PER2: variants seen among roughly 807,000 people sequenced by gnomAD.
The protein encoded by PER2 is period circadian protein homolog 2.
PER2 carries 66 observed loss-of-function variants against 121.0 expected under a neutral mutation model. The ratio of observed to expected loss-of-function variants is 0.55; its 90% CI spans 0.45 to 0.67. The LOEUF is 0.67. Ranked by LOEUF, PER2 falls within the 30% of genes least tolerant of loss-of-function variation. The pLI is 0.00. For missense variants in PER2, 1,521 were observed against 1,635.0 expected, an observed-to-expected ratio of 0.93 and a Z score of 1.20; for synonymous variants, 684 against 659.9, an observed-to-expected ratio of 1.04 and a Z score of -0.56.
intron 9 of PER2, among the ~76,000 whole-genome samples, chr2:238,264,237 G>T (rs979664701): frequency 4.6e-5 from 7 of 152,244 alleles, no homozygotes; most frequent in Non-Finnish European, 7.3e-5. Flanking sequence ...AGGAAGAAAA[G>T]TCTCCAGAGG....
chr2:238,260,090 A>T (rs1190528048), intron 13 of PER2, 37 bp from the exon 14 acceptor site: 8 of 885,918 alleles, frequency 9.0e-6, no homozygotes, highest in African/African-American at 1.7e-5. Flanking sequence ...TATTCATTCT[A>T]GGAGACCTCC....
At chr2:238,261,699 GGGA>G in intron 12 of PER2, 27 bp downstream of exon 12, 2 of 1,430,920 alleles carry the variant, frequency 1.4e-6, no homozygotes, top group South Asian at 1.2e-5. Context: ...GCTGCTACCT[GGGA>G]GGAGGACATG....
In PER2 at chr2:238,258,397, G is replaced by A; in HGVS notation, c.1779C>T (p.Tyr593=). ...QISCLDSVIR[Y]LESCNEAATL... is the part of the protein sequence containing the mutation. ...TGGCAGCCTCATTGCAGCTCTCCAA[G>A]TACCTGTGTGAAAGGCATGAACCAC... is the stretch of plus-strand genomic sequence containing the variant. Residue 593 remains tyrosine, a synonymous_variant, in exon 16 of 23, where the codon TAC becomes TAT. Transcript: ENST00000254657. The A allele has an allele frequency of 6.2e-7, 1 of 1,614,162 alleles. No individual in the cohort carries two copies.
intron 1 of PER2, among the ~76,000 whole-genome samples, chr2:238,285,544 A>G (rs555855175): frequency 2.9e-4 from 44 of 152,326 alleles, no homozygotes; most frequent in Middle Eastern, 3.4e-3. Flanking sequence ...ACTGTACTCA[A>G]TACCTGCAAA....
At chr2:238,287,906 G>A (rs1237306504) in intron 1 of PER2, among the ~76,000 whole-genome samples, 3 of 152,186 alleles carry the variant, frequency 2.0e-5, no homozygotes, top group South Asian at 2.1e-4. Context: ...AGGTAGGCGC[G>A]ACTGCTGCAC....
Position 238,253,637 on chromosome 2 carries a change from TTC to T in PER2, c.2384_2385del (p.Arg795LysfsTer14). ...DSPWKKTGKN[R>X]KLKSKRVKPR... ...GGTTTGACCCGCTTGGACTTCAATT[TTC>T]TGTTCTTTCCTGTTTTTTTCCAAGG... is the stretch of plus-strand genomic sequence containing the variant. On this transcript the variant is annotated frameshift_variant, in exon 19 of 23. Coordinates refer to ENST00000254657, the MANE Select transcript of PER2 (RefSeq NM_022817.3). LOFTEE classifies it high-confidence loss of function. The surrounding 1 kb of genome is among the most constrained non-coding windows in gnomAD (Gnocchi z 5.6). 1 of 1,609,488 alleles carries T rather than the reference TTC, an allele frequency of 6.2e-7. No individual in the cohort carries two copies. The highest frequency in any genetic ancestry group is 1.1e-5 in the South Asian group (1 of 90,444).
intron 17 of PER2, among the ~76,000 whole-genome samples, chr2:238,256,258 C>T (rs907021723): frequency 3.3e-5 from 5 of 152,118 alleles, no homozygotes; most frequent in African/African-American, 7.2e-5. Flanking sequence ...TGAGTCTTTC[C>T]GGGTTTGGGA....
At chr2:238,261,698 T>C (rs1388770276) in intron 12 of PER2, 31 bp downstream of exon 12, 3 of 1,430,922 alleles carry the variant, frequency 2.1e-6, no homozygotes, top group Non-Finnish European at 1.9e-6. Context: ...GGCTGCTACC[T>C]GGGAGGAGGA....
chr2:238,253,115 G>T lies in PER2; in HGVS notation c.2908C>A (p.Pro970Thr). 1 of 1,605,170 alleles carries T rather than the reference G, an allele frequency of 6.2e-7. No individual in the cohort carries two copies. Among genetic ancestry groups the T allele is most frequent in the Non-Finnish European group, 8.5e-7 (1 of 1,173,094 alleles). ...CACPATRATP[P>T]SAMGRASPPL... ...GGGGAGGCCCTACCCATGGCCGATG[G>T]TGGGGTGGCCCGGGTGGCTGGACAA... The change falls in exon 19 of 23, where the codon CCA becomes ACA. Residue 970 changes from proline (P) to threonine (T), a missense_variant. Pro to Thr is a conservative substitution (Grantham distance 38). Coordinates refer to ENST00000254657, the MANE Select transcript of PER2 (RefSeq NM_022817.3). The surrounding 1 kb of genome is among the most constrained non-coding windows in gnomAD (Gnocchi z 5.6).
chr2:238,280,655 T>C (rs1696601998), intron 1 of PER2, among the ~76,000 whole-genome samples: 1 of 152,012 alleles, frequency 6.6e-6, no homozygotes, highest in Non-Finnish European at 1.5e-5. Context: ...GTGACAGACT[T>C]TTAAAATGCA....
At chr2:238,249,823 T>C (rs1225047460) in intron 21 of PER2, among the ~76,000 whole-genome samples, 1 of 152,232 alleles carries the variant, frequency 6.6e-6, no homozygotes. Context: ...TGTGCTCTTT[T>C]CCTGCTGCCT....
chr2:238,277,778 C>T lies in PER2; in HGVS notation c.159G>A (p.Ser53=), dbSNP rs374342329. The change falls in exon 2 of 23, where the codon TCG becomes TCA. Residue 53 remains serine (S), a synonymous_variant. Transcript: ENST00000254657. ...CACTGTCGTCACAGTCACTGCCCTG[C>T]GAGTCCCGCCCCGTGGAGCAGTTTT... The part of the protein sequence containing the change: ...TNENCSTGRD[S]QGSDCDDSGK... 31 of 1,614,060 alleles carry T rather than the reference C, an allele frequency of 1.9e-5. No homozygotes were observed. The highest frequency in any genetic ancestry group is 9.9e-5 in the South Asian group (9 of 91,082).
chr2:238,264,365 C>T (rs1696032430), intron 9 of PER2, among the ~76,000 whole-genome samples: 1 of 152,240 alleles, frequency 6.6e-6, no homozygotes, highest in Non-Finnish European at 1.5e-5. Flanking sequence ...CCCGCGGACA[C>T]ACCTGAGCCA....
In PER2 at chr2:238,277,747, C is replaced by T. The variant is rs771611661; in HGVS notation, c.190G>A (p.Glu64Lys). The change falls in exon 2 of 23, where the codon GAG becomes AAG. Residue 64 changes from glutamate (E) to lysine (K), a missense_variant. Physicochemically the swap from Glu to Lys is moderately conservative, Grantham distance 56. Coordinates refer to ENST00000254657, the MANE Select transcript of PER2 (RefSeq NM_022817.3). The stretch of plus-strand genomic sequence containing the variant: ...GGTGGCTCCACCAGCATCCCCAGCT[C>T]CTTCCCACTGTCGTCACAGTCACTG... ...QGSDCDDSGKELGMLVEPPDA... is the reference protein window; with the variant it reads ...QGSDCDDSGKKLGMLVEPPDA... 1.3e-5 allele frequency: 21 copies of T among 1,614,236 alleles called. No individual in the cohort carries two copies. Among genetic ancestry groups the T allele is most frequent in the Non-Finnish European group, 1.7e-5 (20 of 1,180,034 alleles).
intron 2 of PER2, 55 bp downstream of exon 2, chr2:238,277,652 G>T: frequency 6.3e-7 from 1 of 1,595,056 alleles, no homozygotes; most frequent in Non-Finnish European, 8.6e-7. Flanking sequence ...CAGCAGAAAT[G>T]AGCCACTGAG....
In PER2 at chr2:238,275,729, C is replaced by T. The variant is rs749086305; in HGVS notation, c.448+14G>A. Reference sequence around the variant, plus strand: ...TTTCTATAGGTTTGGAGCAGATGTGCGAGGCCGACGTACCTTTCACCTGCT... The same window carrying T: ...TTTCTATAGGTTTGGAGCAGATGTGTGAGGCCGACGTACCTTTCACCTGCT... On this transcript the variant is annotated intron_variant, in intron 4 of 22. Transcript: ENST00000254657. 9 of 1,612,116 alleles carry T rather than the reference C, an allele frequency of 5.6e-6. No individual in the cohort carries two copies. Among genetic ancestry groups the T allele is most frequent in the Admixed American group, 1.7e-5 (1 of 59,998 alleles).
chr2:238,259,956 T>A lies in PER2; in HGVS notation c.1627+13A>T. 1 of 411,962 alleles carries A rather than the reference T, an allele frequency of 2.4e-6. No homozygotes were observed. Among genetic ancestry groups the A allele is most frequent in the South Asian group, 5.0e-5 (1 of 20,106 alleles). The allele number at this position is 411,962 out of a possible 1,614,324, so 25.5% of individuals were successfully genotyped here. On this transcript the variant is annotated intron_variant, in intron 14 of 22. Transcript: ENST00000254657. The stretch of plus-strand genomic sequence containing the variant: ...AGTTTCAGTAAGGAAATGTTGAATA[T>A]TTTTTTTTTTACCTGTAACGGATTT...
At chr2:238,260,508 G>A (rs551319099) in intron 13 of PER2, among the ~76,000 whole-genome samples, 23 of 152,206 alleles carry the variant, frequency 1.5e-4, no homozygotes, top group East Asian at 7.7e-4. Flanking sequence ...CGCCTGCCTC[G>A]GCCTTCCAAA....
At chr2:238,278,421 A>G (rs1696526781) in intron 1 of PER2, among the ~76,000 whole-genome samples, 1 of 152,070 alleles carries the variant, frequency 6.6e-6, no homozygotes, top group Admixed American at 6.6e-5. Flanking sequence ...CACATTACTT[A>G]TTTGTTCTTA....
Sources: allele counts gnomAD v4.1 joint callset (sites outside exome capture counted in the v4.1 genomes callset), GRCh38; gene constraint gnomAD v4.1.1; non-coding constraint Gnocchi (gnomAD v3.1); transcripts MANE v1.5; gene names NCBI Gene and HGNC (gene_info 2026-07-23, HGNC 2026-07-21).